Variants in PAK2 observed in about 807,000 individuals in gnomAD.
PAK2 encodes p21 (RAC1) activated kinase 2.
In PAK2, 21 loss-of-function variants were observed where a neutral mutation model predicts 65.9. The ratio of observed to expected loss-of-function variants is 0.32; its 90% CI spans 0.23 to 0.46. PAK2 has a LOEUF of 0.46. Ranked by LOEUF, PAK2 falls within the 20% of genes least tolerant of loss-of-function variation. PAK2 has a pLI of 1.00. For missense variants in PAK2, 324 were observed against 642.6 expected (o/e 0.50, Z 5.36); for synonymous variants, 204 against 219.7 (o/e 0.93, Z 0.63).
At chr3:196,776,625 G>A (rs1206475159) in intron 1 of PAK2, among the ~76,000 whole-genome samples, 2 of 152,138 alleles carry the variant, frequency 1.3e-5, no homozygotes, top group Non-Finnish European at 2.9e-5. Flanking sequence ...TGACATAGAT[G>A]GTGATATTAA....
chr3:196,759,322 A>G (rs1560092653), intron 1 of PAK2, among the ~76,000 whole-genome samples: 1 of 151,996 alleles, frequency 6.6e-6, no homozygotes, highest in Non-Finnish European at 1.5e-5. Flanking sequence ...ACCAGAGGCA[A>G]ACTTTTCATC....
At chr3:196,824,201 C>G (rs986441234) in intron 13 of PAK2, among the ~76,000 whole-genome samples, 1 of 152,054 alleles carries the variant, frequency 6.6e-6, no homozygotes, top group Non-Finnish European at 1.5e-5. Context: ...ATAAAGGTCT[C>G]CCTCTCTCGT....
intron 13 of PAK2, among the ~76,000 whole-genome samples, chr3:196,821,943 G>A (rs1311555473): frequency 6.6e-6 from 1 of 152,190 alleles, no homozygotes; most frequent in African/African-American, 2.4e-5. Context: ...ATATTATTTG[G>A]TCATAGAAAG....
At chr3:196,765,701 C>T (rs1234071944) in intron 1 of PAK2, among the ~76,000 whole-genome samples, 1 of 151,986 alleles carries the variant, frequency 6.6e-6, no homozygotes, top group East Asian at 1.9e-4. Context: ...AGGTATTACT[C>T]CATTATATTG....
chr3:196,810,465 G>T (rs953327153), intron 7 of PAK2, 125 bp from the exon 8 acceptor site: 5 of 664,824 alleles, frequency 7.5e-6, no homozygotes, highest in East Asian at 2.6e-5. Flanking sequence ...GTTATTTTTG[G>T]AACTTAGTAT....
intron 1 of PAK2, among the ~76,000 whole-genome samples, chr3:196,765,937 T>A (rs1331336335): frequency 6.6e-6 from 1 of 151,920 alleles, no homozygotes; most frequent in African/African-American, 2.4e-5. Flanking sequence ...TCTTGCTCTG[T>A]TGCCCAGGCT....
chr3:196,772,939 A>G (rs546833835), intron 1 of PAK2, among the ~76,000 whole-genome samples: 12 of 152,338 alleles, frequency 7.9e-5, no homozygotes, highest in Middle Eastern at 3.4e-3. Context: ...TGTGTTTTTC[A>G]GTAATAGATG....
At chr3:196,816,866 G>A (rs1716043189) in intron 11 of PAK2, among the ~76,000 whole-genome samples, 1 of 152,084 alleles carries the variant, frequency 6.6e-6, no homozygotes. Context: ...TCTGAAATAT[G>A]GCATAAGAGG....
intron 1 of PAK2, among the ~76,000 whole-genome samples, chr3:196,741,085 G>A (rs185401766): frequency 1.3e-5 from 2 of 152,272 alleles, no homozygotes; most frequent in Admixed American, 6.5e-5. Context: ...TACAGGCGAT[G>A]TGTCCTTTCT....
At chr3:196,819,682 A>G (rs1711589311) in intron 12 of PAK2, among the ~76,000 whole-genome samples, 1 of 152,202 alleles carries the variant, frequency 6.6e-6, no homozygotes, top group African/African-American at 2.4e-5. Flanking sequence ...AGAATTCTAA[A>G]TACTAATCCT....
chr3:196,786,723 C>A (rs1714900816), intron 2 of PAK2, among the ~76,000 whole-genome samples: 1 of 152,102 alleles, frequency 6.6e-6, no homozygotes, highest in Non-Finnish European at 1.5e-5. Context: ...GTCAGGTTTC[C>A]ATGTGAGAGT....
chr3:196,743,229 T>C (rs1713265510), intron 1 of PAK2, among the ~76,000 whole-genome samples: 1 of 152,222 alleles, frequency 6.6e-6, no homozygotes, highest in Non-Finnish European at 1.5e-5. Flanking sequence ...AGTCTGAACA[T>C]TCATTCAGGA....
intron 2 of PAK2, among the ~76,000 whole-genome samples, chr3:196,800,897 A>G (rs985664854): frequency 6.6e-6 from 1 of 152,096 alleles, no homozygotes; most frequent in African/African-American, 2.4e-5. Context: ...GAGTGAAGGG[A>G]TGTCATGGAC....
At chr3:196,817,610 C>T (rs1408556880) in intron 11 of PAK2, among the ~76,000 whole-genome samples, 2 of 151,886 alleles carry the variant, frequency 1.3e-5, no homozygotes, top group Non-Finnish European at 2.9e-5. Flanking sequence ...GCCTCGGTCT[C>T]CCAAAGTGCT....
chr3:196,747,284 G>A (rs1713418395), intron 1 of PAK2: 1 of 151,918 alleles, frequency 6.6e-6, no homozygotes, highest in Admixed American at 6.6e-5. Flanking sequence ...TCGCTCCTCG[G>A]ATAGACCTCA....
At chr3:196,744,223 A>G (rs1713297301) in intron 1 of PAK2, among the ~76,000 whole-genome samples, 1 of 152,202 alleles carries the variant, frequency 6.6e-6, no homozygotes, top group African/African-American at 2.4e-5. Flanking sequence ...AGACAAAAAT[A>G]AAAGTAGAAA....
At chr3:196,780,167 C>G (rs1457156297) in intron 1 of PAK2, among the ~76,000 whole-genome samples, 1 of 152,210 alleles carries the variant, frequency 6.6e-6, no homozygotes, top group African/African-American at 2.4e-5. Context: ...GCCTTAGATC[C>G]TGCCCTCATT....
chr3:196,768,371 A>C (rs1389841587), intron 1 of PAK2, among the ~76,000 whole-genome samples: 1 of 151,882 alleles, frequency 6.6e-6, no homozygotes, highest in East Asian at 1.9e-4. Context: ...TCTGTTCAGT[A>C]ATTTCTGATT....
chr3:196,820,098 C>T lies in PAK2; in HGVS notation c.1154-273C>T, dbSNP rs1293309236. Among the ~76,000 whole-genome samples, 1 of 152,160 alleles carries T rather than the reference C, an allele frequency of 6.6e-6. No homozygotes were observed. Among genetic ancestry groups the T allele is most frequent in the Non-Finnish European group, 1.5e-5 (1 of 68,036 alleles). ...TTTTGCTTTACTTTTTCGTAGACCTCTTTCAGTTTTATTAAATTTTTTAGG... is the reference window on the plus strand; with the variant it reads ...TTTTGCTTTACTTTTTCGTAGACCTTTTTCAGTTTTATTAAATTTTTTAGG... On this transcript the variant is annotated intron_variant, in intron 12 of 14. Transcript: ENST00000327134. The surrounding 1 kb of genome is among the most constrained non-coding windows in gnomAD (Gnocchi z 4.6).
Sources: gnomAD v4.1 joint callset for allele counts (sites outside exome capture counted in the v4.1 genomes callset) on GRCh38, gnomAD v4.1.1 for gene constraint, Gnocchi (gnomAD v3.1) non-coding constraint, MANE v1.5 for transcripts, NCBI Gene and HGNC (gene_info 2026-07-23, HGNC 2026-07-21) for gene names.